The following COPS5 variants were observed in gnomAD, a reference collection of about 807,000 sequenced individuals.
COPS5 encodes the protein COP9 signalosome subunit 5, also known as COP9 signalosome complex subunit 5.
COPS5 carries 8 observed loss-of-function variants against 44.4 expected under a neutral mutation model. The ratio of observed to expected loss-of-function variants is 0.18; its 90% CI spans 0.11 to 0.32. COPS5 has a LOEUF of 0.32. Among genes scored for constraint, COPS5 ranks in the 10% least tolerant of loss-of-function variants. COPS5 has a pLI of 1.00. For synonymous variants in COPS5, 122 were observed against 142.8 expected (o/e 0.85, Z 1.04); for missense variants, 159 against 406.4 (o/e 0.39, Z 5.23).
rs778260803 is a variant in COPS5 at position 67,056,522 on chromosome 8, T to G, written c.656A>C (p.Lys219Thr). Residue 219 changes from lysine (K) to threonine (T), a missense_variant, in exon 5 of 8, where the codon AAA becomes ACA. Transcript: ENST00000357849. ...GATATGTTTTTAAATTACTTACTGT[T>G]TGCAGTGTACACCAAAATCTTCTAT... ...NKIEDFGVHCKQYYALEVSYF... is the reference protein window; with the variant it reads ...NKIEDFGVHCTQYYALEVSYF... 1 of 1,249,554 alleles carries G rather than the reference T, an allele frequency of 8.0e-7. No individual in the cohort carries two copies. 77.4% of individuals were successfully genotyped at this position (1,249,554 alleles called of 1,614,324 possible). A position where few individuals can be genotyped will look rare whatever the true frequency, so the allele number is the denominator to read the frequency against.
At chr8:67,060,556 GAAGA>G (rs1420326574) in intron 1 of COPS5, 5 of 1,254,266 alleles carry the variant, frequency 4.0e-6, no homozygotes, top group Non-Finnish European at 4.2e-6. Flanking sequence ...CTGGAGAAAA[GAAGA>G]AAGACAAGTT....
At chr8:67,056,385 G>A (rs1804502023) in intron 5 of COPS5, 134 bp downstream of exon 5, 2 of 311,178 alleles carry the variant, frequency 6.4e-6, no homozygotes, top group South Asian at 4.3e-5. Flanking sequence ...TGTAGAGATG[G>A]GGTCTCACTA....
At chr8:67,054,029 T>G (rs1269053323) in intron 5 of COPS5, among the ~76,000 whole-genome samples, 1 of 150,356 alleles carries the variant, frequency 6.7e-6, no homozygotes, top group Non-Finnish European at 1.5e-5. Context: ...AAAAAGAACA[T>G]TTTAGCAATT....
Position 67,056,636 on chromosome 8 carries a change from GAAAAA to G in COPS5, c.574-37_574-33del, listed in dbSNP as rs375914469. The G allele has an allele frequency of 4.8e-3, 68 of 14,178 alleles. 2 individuals are homozygous for G. Among genetic ancestry groups the G allele is most frequent in the East Asian group, 5.5e-3 (3 of 550 alleles). 0.9% of individuals were successfully genotyped at this position (14,178 alleles called of 1,614,324 possible). A position where few individuals can be genotyped will look rare whatever the true frequency, so the allele number is the denominator to read the frequency against. ...AAAAATGAGGTAAACAGAAGATTAA[GAAAAA>G]AAAAAAAAAAAATATATATATATAT... On this transcript the variant is annotated intron_variant, in intron 4 of 7. Coordinates refer to ENST00000357849, the MANE Select transcript of COPS5 (RefSeq NM_006837.3).
chr8:67,056,065 T>C (rs1804498395), intron 5 of COPS5, among the ~76,000 whole-genome samples: 1 of 152,170 alleles, frequency 6.6e-6, no homozygotes, highest in South Asian at 2.1e-4. Flanking sequence ...CTTTCACTTG[T>C]TATAATTTTA....
chr8:67,052,944 G>A (rs1011785915), intron 5 of COPS5, among the ~76,000 whole-genome samples: 4 of 151,912 alleles, frequency 2.6e-5, no homozygotes. Flanking sequence ...GTGTTTTATA[G>A]TACCATTAGG....
At position 67,061,950 on chromosome 8, in the gene COPS5, G is replaced by A. The variant is rs780531661; in HGVS notation, c.47C>T (p.Ala16Val). 5 of 1,614,184 alleles carry A rather than the reference G, an allele frequency of 3.1e-6. No homozygotes were observed. Among genetic ancestry groups the A allele is most frequent in the East Asian group, 2.2e-5 (1 of 44,880 alleles). Residue 16 changes from alanine to valine, a missense_variant, in exon 1 of 8, where the codon GCC becomes GTC. Transcript: ENST00000357849. ...SGMAQKTWEL[A>V]NNMQEAQSID... is the part of the protein sequence containing the mutation. Reference sequence around the variant, plus strand: ...ACTCTGAGCTTCCTGCATGTTGTTGGCCAGTTCCCAGGTTTTCTGGGCCAT... The same window carrying A: ...ACTCTGAGCTTCCTGCATGTTGTTGACCAGTTCCCAGGTTTTCTGGGCCAT...
intron 1 of COPS5, chr8:67,060,799 C>T: frequency 4.2e-6 from 1 of 236,256 alleles, no homozygotes; most frequent in South Asian, 4.6e-5. Flanking sequence ...TCATAAATTA[C>T]ATAACGTATT....
intron 6 of COPS5, among the ~76,000 whole-genome samples, chr8:67,047,070 T>A (rs902909071): frequency 6.6e-6 from 1 of 152,120 alleles, no homozygotes; most frequent in Non-Finnish European, 1.5e-5. Context: ...AATTGCAGTC[T>A]AAAACACAAA....
At chr8:67,051,158 G>C in intron 6 of COPS5, 72 bp downstream of exon 6, 1 of 1,007,852 alleles carries the variant, frequency 9.9e-7, no homozygotes, top group Non-Finnish European at 1.6e-6. Flanking sequence ...CTGTGAAACA[G>C]TGTTTCAGAT....
At position 67,061,717 on chromosome 8, in the gene COPS5, T is replaced by C. The variant is rs991765325; in HGVS notation, c.143+137A>G. ...CCCCAGCGGAGGGCTTAGGCTCTACTTGCAGATCCAAGACGCATATTCTGT... is the reference window on the plus strand; with the variant it reads ...CCCCAGCGGAGGGCTTAGGCTCTACCTGCAGATCCAAGACGCATATTCTGT... On this transcript the variant is annotated intron_variant, in intron 1 of 7. Transcript: ENST00000357849. 9.4e-6 allele frequency: 8 copies of C among 853,564 alleles called. No individual in the cohort carries two copies. The East Asian group carries it at 2.0e-4, about 21-fold the overall frequency. The allele number at this position is 853,564 out of a possible 1,614,324, so 52.9% of individuals were successfully genotyped here. A position where few individuals can be genotyped will look rare whatever the true frequency, so the allele number is the denominator to read the frequency against.
At chr8:67,059,643 C>T in intron 1 of COPS5, 198 bp from the exon 2 acceptor site, 1 of 571,128 alleles carries the variant, frequency 1.8e-6, no homozygotes, top group East Asian at 2.9e-5. Flanking sequence ...GCAACGTATC[C>T]CCCTTAGGGG....
intron 2 of COPS5, among the ~76,000 whole-genome samples, chr8:67,058,537 GTTATC>G (rs1159631236): frequency 6.6e-6 from 1 of 151,902 alleles, no homozygotes; most frequent in Non-Finnish European, 1.5e-5. Context: ...ATATATGATG[GTTATC>G]TTTTTATTTT....
In COPS5 at chr8:67,048,534, G is replaced by A. The variant is rs191130484; in HGVS notation, c.772-2574C>T. ...GTTCAAGACCAGCCTGGCCAAGATG[G>A]TGAAACCCCATCTCTACTAAAAATA... On this transcript the variant is annotated intron_variant, in intron 6 of 7. Transcript: ENST00000357849. Among the ~76,000 whole-genome samples the A allele has an allele frequency of 9.4e-4, 142 of 150,978 alleles. 4 individuals carry two copies. The East Asian group carries it at 0.014, about 15-fold the overall frequency.
At chr8:67,060,953 T>TA (rs967452447) in intron 1 of COPS5, 7 of 162,764 alleles carry the variant, frequency 4.3e-5, no homozygotes, top group East Asian at 1.8e-4. Flanking sequence ...GCTAGCCTTG[T>TA]AAAAAAAACT....
At chr8:67,054,284 C>CT (rs1053401489) in intron 5 of COPS5, among the ~76,000 whole-genome samples, 1 of 152,054 alleles carries the variant, frequency 6.6e-6, no homozygotes, top group Non-Finnish European at 1.5e-5. Context: ...CTGTCTCAAT[C>CT]TTTTTTTGTT....
intron 7 of COPS5, chr8:67,044,391 A>G (rs1401234570): frequency 6.6e-6 from 1 of 151,952 alleles, no homozygotes; most frequent in African/African-American, 2.4e-5. Flanking sequence ...ACCTTCTAAA[A>G]ACCCACTGAG....
At position 67,051,470 on chromosome 8, in the gene COPS5, T is replaced by C. The variant is rs1440548578; in HGVS notation, c.660-129A>G. 6 of 599,610 alleles carry C rather than the reference T, an allele frequency of 1.0e-5. No individual in the cohort carries two copies. The East Asian group carries it at 1.7e-4, about 16-fold the overall frequency. The allele number at this position is 599,610 out of a possible 1,614,324, so 37.1% of individuals were successfully genotyped here. A position where few individuals can be genotyped will look rare whatever the true frequency, so the allele number is the denominator to read the frequency against. ...ATTCACATTTTAGTCTTTATTCCAA[T>C]AAGGCAATAGCTAACCATGGTTTCC... is the stretch of plus-strand genomic sequence containing the variant. On this transcript the variant is annotated intron_variant, in intron 5 of 7. Coordinates refer to ENST00000357849, the MANE Select transcript of COPS5 (RefSeq NM_006837.3).
chr8:67,044,028 A>C (rs900295137), intron 7 of COPS5: 1 of 152,052 alleles, frequency 6.6e-6, no homozygotes, highest in African/African-American at 2.4e-5. Flanking sequence ...ATCTAAAATG[A>C]CTCCTGATGC....
Sources: allele counts gnomAD v4.1 joint callset (sites outside exome capture counted in the v4.1 genomes callset), GRCh38; gene constraint gnomAD v4.1.1; transcripts MANE v1.5; gene names NCBI Gene and HGNC (gene_info 2026-07-23, HGNC 2026-07-21).